The following CLOCK variants were observed in gnomAD, a reference collection of about 807,000 sequenced individuals.
The protein encoded by CLOCK is circadian locomoter output cycles protein kaput.
A neutral mutation model predicts 118.4 loss-of-function variants in CLOCK; 43 were observed. The ratio of observed to expected loss-of-function variants is 0.36; its 90% CI spans 0.28 to 0.47. CLOCK has a LOEUF of 0.47. Among genes scored for constraint, CLOCK ranks in the 20% least tolerant of loss-of-function variants. The probability of loss-of-function intolerance (pLI) is 1.00; values close to 1 mark genes in which losing one functional copy is unlikely to be tolerated. For missense variants in CLOCK, 846 were observed against 999.9 expected, an observed-to-expected ratio of 0.85 and a Z score of 2.08; for synonymous variants, 326 against 339.2, an observed-to-expected ratio of 0.96 and a Z score of 0.43.
chr4:55,505,894 A>G (rs537357809), intron 2 of CLOCK, among the ~76,000 whole-genome samples: 2 of 151,764 alleles, frequency 1.3e-5, no homozygotes, highest in South Asian at 4.2e-4. Flanking sequence ...ATACATAAAC[A>G]TATTTTTTGA....
chr4:55,507,691 C>G (rs1429330352), intron 2 of CLOCK, among the ~76,000 whole-genome samples: 2 of 152,156 alleles, frequency 1.3e-5, no homozygotes, highest in African/African-American at 4.8e-5. Flanking sequence ...CTCCAGTTAA[C>G]AAAAACACCC....
chr4:55,491,456 A>G (rs940741117), intron 2 of CLOCK, among the ~76,000 whole-genome samples: 1 of 152,032 alleles, frequency 6.6e-6, no homozygotes, highest in South Asian at 2.1e-4. Context: ...TACACTAGGA[A>G]TAAGAGAAGA....
intron 1 of CLOCK, among the ~76,000 whole-genome samples, chr4:55,531,074 G>A (rs370315414): frequency 6.6e-6 from 1 of 151,982 alleles, no homozygotes; most frequent in African/African-American, 2.4e-5. Flanking sequence ...AAGAAAAAAA[G>A]ACAATTACAA....
At chr4:55,485,225 A>G (rs2109924457) in intron 3 of CLOCK, among the ~76,000 whole-genome samples, 2 of 152,272 alleles carry the variant, frequency 1.3e-5, no homozygotes, top group Admixed American at 1.3e-4. Context: ...TCAGCCTCCC[A>G]AAGTGCTGGG....
chr4:55,432,175 C>T lies in CLOCK; in HGVS notation c.*3240G>A, dbSNP rs1206608744. ...AAGGCTAGACCGTAGTATTTACTCA[C>T]ATGCTACCTGCATCTCCCATACTTT... On this transcript the variant is annotated 3_prime_UTR_variant, in exon 23 of 23. Transcript: ENST00000513440. The T allele has an allele frequency of 1.3e-5, 2 of 152,212 alleles. No homozygotes were observed. Among genetic ancestry groups the T allele is most frequent in the East Asian group, 3.8e-4 (2 of 5,196 alleles). The allele number at this position is 152,212 out of a possible 1,614,324, so 9.4% of individuals were successfully genotyped here. A position where few individuals can be genotyped will look rare whatever the true frequency, so the allele number is the denominator to read the frequency against.
intron 1 of CLOCK, among the ~76,000 whole-genome samples, chr4:55,529,494 C>CA (rs553325945): frequency 5.9e-5 from 9 of 151,882 alleles, no homozygotes; most frequent in African/African-American, 1.9e-4. Flanking sequence ...AAACTGACTT[C>CA]AAAAAAATCA....
chr4:55,463,157 T>C (rs1725491006), intron 9 of CLOCK, among the ~76,000 whole-genome samples: 1 of 152,134 alleles, frequency 6.6e-6, no homozygotes, highest in Non-Finnish European at 1.5e-5. Flanking sequence ...TGATAACTAT[T>C]TTCACTATTG....
In CLOCK at chr4:55,458,898, G is replaced by A. The variant is rs1253327167; in HGVS notation, c.786C>T (p.Phe262=). 6.2e-7 allele frequency: 1 copy of A among 1,603,436 alleles called. No homozygotes were observed. Among genetic ancestry groups the A allele is most frequent in the Non-Finnish European group, 8.5e-7 (1 of 1,170,662 alleles). ...AATAAAATTAAAAACATACCTTGAT[G>A]AACTGAGGTGTAGCTAACCTGACAG... ...VATVRLATPQ[F]IKEMCTVEEP... Residue 262 remains phenylalanine, a synonymous_variant, in exon 11 of 23, where the codon TTC becomes TTT. Transcript: ENST00000513440.
At chr4:55,503,978 T>TAAAAAAAAAAAAAAA (rs60471915) in intron 2 of CLOCK, among the ~76,000 whole-genome samples, 1 of 71,144 alleles carries the variant, frequency 1.4e-5, no homozygotes, top group African/African-American at 5.1e-5. Flanking sequence ...CAAAAAGAGG[T>TAAAAAAAAAAAAAAA]AAAAAAAAAA....
intron 2 of CLOCK, among the ~76,000 whole-genome samples, chr4:55,499,379 G>C (rs530800420): frequency 6.6e-6 from 1 of 152,198 alleles, no homozygotes; most frequent in Non-Finnish European, 1.5e-5. Flanking sequence ...GGACAGCGGG[G>C]ATGGTTTCTG....
rs1378246994 is a variant in CLOCK, at chr4:55,431,177, C to T, written c.*4238G>A. The T allele has an allele frequency of 6.6e-6, 1 of 151,994 alleles. No individual in the cohort carries two copies. The highest frequency in any genetic ancestry group is 2.4e-5 in the African/African-American group (1 of 41,396). The allele number at this position is 151,994 out of a possible 1,614,324, so 9.4% of individuals were successfully genotyped here. On this transcript the variant is annotated 3_prime_UTR_variant, in exon 23 of 23. Coordinates refer to ENST00000513440, the MANE Select transcript of CLOCK (RefSeq NM_004898.4). ...TTTTAAAAGTGTGTGCTATTCCTTC[C>T]GTAAAGGATCCCCAGGCATGAGAGT...
chr4:55,500,435 C>T (rs2109986750), intron 2 of CLOCK, among the ~76,000 whole-genome samples: 1 of 152,250 alleles, frequency 6.6e-6, no homozygotes, highest in South Asian at 2.1e-4. Flanking sequence ...CCTCGACCTC[C>T]TGGGCTCAAG....
intron 1 of CLOCK, chr4:55,540,750 G>A (rs879521557): frequency 2.6e-5 from 4 of 152,202 alleles, no homozygotes; most frequent in Non-Finnish European, 5.9e-5. Flanking sequence ...GGGAGGAAGG[G>A]GACACCTGCC....
intron 1 of CLOCK, among the ~76,000 whole-genome samples, chr4:55,541,270 T>C (rs1731252333): frequency 6.6e-6 from 1 of 152,220 alleles, no homozygotes; most frequent in South Asian, 2.1e-4. Flanking sequence ...CATTATGTAA[T>C]TATAGTCAAT....
chr4:55,464,213 G>C (rs559961333), intron 8 of CLOCK, among the ~76,000 whole-genome samples: 1 of 152,156 alleles, frequency 6.6e-6, no homozygotes. Context: ...TTTTGTTTTG[G>C]TGTGATTTCA....
At chr4:55,525,858 A>G (rs1730147356) in intron 1 of CLOCK, among the ~76,000 whole-genome samples, 1 of 108,916 alleles carries the variant, frequency 9.2e-6, no homozygotes, top group Non-Finnish European at 1.8e-5. Flanking sequence ...TAGTCCTTCC[A>G]TAGTTAGAAC....
Position 55,432,208 on chromosome 4 carries a change from T to TG in CLOCK, c.*3206_*3207insC, listed in dbSNP as rs137900947. ...CTGCATCTCCCATACTTTTCTCCAATATTTTCCATTCAAAAAATGAAGTAC... is the reference window on the plus strand; with the variant it reads ...CTGCATCTCCCATACTTTTCTCCAATGATTTTCCATTCAAAAAATGAAGTAC... On this transcript the variant is annotated 3_prime_UTR_variant, in exon 23 of 23. Coordinates refer to ENST00000513440, the MANE Select transcript of CLOCK (RefSeq NM_004898.4). 6.6e-6 allele frequency: 1 copy of TG among 152,282 alleles called. No homozygotes were observed. Among genetic ancestry groups the TG allele is most frequent in the African/African-American group, 2.4e-5 (1 of 41,560 alleles). The allele number at this position is 152,282 out of a possible 1,614,324, so 9.4% of individuals were successfully genotyped here.
rs547426300 is a variant in CLOCK, at chr4:55,546,057, G to A, written c.-290+725C>T. 6.5e-3 allele frequency: 997 copies of A among 152,440 alleles called. 17 individuals carry two copies. Among genetic ancestry groups the A allele is most frequent in the African/African-American group, 0.022 (927 of 41,580 alleles). The allele number at this position is 152,440 out of a possible 1,614,324, so 9.4% of individuals were successfully genotyped here. The stretch of plus-strand genomic sequence containing the variant: ...GCGGCACGCGGGCCGGGCGCCGGGA[G>A]GGCGGGGGTTCCCCGGAGGAGCTGG... On this transcript the variant is annotated intron_variant, in intron 1 of 22. Transcript: ENST00000513440.
At chr4:55,445,507 G>A (rs1723735252) in intron 18 of CLOCK, among the ~76,000 whole-genome samples, 1 of 150,456 alleles carries the variant, frequency 6.6e-6, no homozygotes, top group Non-Finnish European at 1.5e-5. Flanking sequence ...AGTCTTCTAA[G>A]TATGTTCCTT....
Sources: allele counts gnomAD v4.1 joint callset (sites outside exome capture counted in the v4.1 genomes callset), GRCh38; gene constraint gnomAD v4.1.1; transcripts MANE v1.5; gene names NCBI Gene and HGNC (gene_info 2026-07-23, HGNC 2026-07-21).